Variants in CMSS1 observed in about 807,000 individuals in gnomAD.
The protein encoded by CMSS1 is cms1 ribosomal small subunit homolog.
CMSS1 carries 33 observed loss-of-function variants against 43.5 expected under a neutral mutation model. The observed-to-expected ratio is 0.76, with a 90% CI of 0.57 to 1.01. CMSS1 has a LOEUF of 1.01. CMSS1 is among the 50% of genes least tolerant of loss of function. CMSS1 has a pLI of 0.00. For synonymous variants in CMSS1, 115 were observed against 117.2 expected (o/e 0.98, Z 0.12); for missense variants, 313 against 326.4 (o/e 0.96, Z 0.32).
At chr3:100,105,969 C>G (rs1407181485) in intron 1 of CMSS1, among the ~76,000 whole-genome samples, 1 of 152,166 alleles carries the variant, frequency 6.6e-6, no homozygotes. Flanking sequence ...CACATAGCTT[C>G]TCACCATCAG....
intron 1 of CMSS1, among the ~76,000 whole-genome samples, chr3:99,851,325 A>C (rs1943688634): frequency 6.6e-6 from 1 of 152,228 alleles, no homozygotes; most frequent in Non-Finnish European, 1.5e-5. Flanking sequence ...AAGGGCAAGA[A>C]TATTTAGTTT....
intron 1 of CMSS1, among the ~76,000 whole-genome samples, chr3:100,066,721 C>T (rs1304636412): frequency 1.0e-5 from 1 of 97,602 alleles, no homozygotes; most frequent in East Asian, 2.7e-4. Context: ...TTAGTAGAGA[C>T]GGGGTTTCAC....
chr3:99,963,103 G>C (rs1210493937), intron 1 of CMSS1, among the ~76,000 whole-genome samples: 4 of 152,224 alleles, frequency 2.6e-5, no homozygotes, highest in African/African-American at 7.2e-5. Context: ...GGTTTAGCCT[G>C]CCTACAGAGG....
chr3:100,128,955 A>G (rs2066684267), intron 1 of CMSS1, among the ~76,000 whole-genome samples: 14 of 152,198 alleles, frequency 9.2e-5, no homozygotes, highest in Admixed American at 8.5e-4. Context: ...ATCATAGAGT[A>G]AAATTGGCCT....
chr3:99,936,635 A>G (rs377766634), intron 1 of CMSS1, among the ~76,000 whole-genome samples: 1 of 147,864 alleles, frequency 6.8e-6, no homozygotes, highest in East Asian at 2.1e-4. Context: ...GCCTCCCAAA[A>G]TGCAGGGATT....
At chr3:100,042,825 C>T (rs955812010) in intron 1 of CMSS1, among the ~76,000 whole-genome samples, 2 of 152,116 alleles carry the variant, frequency 1.3e-5, no homozygotes, top group Non-Finnish European at 2.9e-5. Context: ...GTACTTCTTA[C>T]GGGAAGCTGG....
intron 1 of CMSS1, chr3:99,850,268 T>C: frequency 6.2e-7 from 1 of 1,613,978 alleles, no homozygotes; most frequent in Non-Finnish European, 8.5e-7. Flanking sequence ...TCTAGCTCTT[T>C]GATCCTTACT....
chr3:99,869,993 T>C (rs943919714), intron 1 of CMSS1, among the ~76,000 whole-genome samples: 2 of 152,152 alleles, frequency 1.3e-5, no homozygotes, highest in Admixed American at 1.3e-4. Context: ...TCCATTTACA[T>C]GTGGACTCTT....
intron 1 of CMSS1, among the ~76,000 whole-genome samples, chr3:100,055,326 A>G (rs367763412): frequency 6.6e-6 from 1 of 152,256 alleles, no homozygotes; most frequent in South Asian, 2.1e-4. Flanking sequence ...GTTATCCCCA[A>G]CATCACTGGC....
intron 1 of CMSS1, among the ~76,000 whole-genome samples, chr3:100,001,335 G>A (rs1327018180): frequency 6.6e-6 from 1 of 152,190 alleles, no homozygotes; most frequent in African/African-American, 2.4e-5. Context: ...GTGACGCAGT[G>A]TCAGAGGTGA....
Position 99,826,105 on chromosome 3 carries a change from C to A in CMSS1, c.64+8062C>A, listed in dbSNP as rs576635064. ...CACAAGTCTTTTATCTGTTGTTAAT[C>A]TGATGTTATTTAGTGGAACACTTCA... On this transcript the variant is annotated intron_variant, in intron 1 of 9. Transcript: ENST00000421999. Among the ~76,000 whole-genome samples the A allele has an allele frequency of 3.3e-5, 5 of 152,244 alleles. No homozygotes were observed. The South Asian group carries it at 1.0e-3, about 32-fold the overall frequency.
intron 1 of CMSS1, among the ~76,000 whole-genome samples, chr3:100,030,600 G>A (rs2065007095): frequency 6.6e-6 from 1 of 152,106 alleles, no homozygotes; most frequent in African/African-American, 2.4e-5. Flanking sequence ...AAAAAAGCAG[G>A]CTAAGACTCC....
At chr3:100,168,016 C>T (rs572452372) in intron 6 of CMSS1, among the ~76,000 whole-genome samples, 176 bp downstream of exon 6, 4 of 152,190 alleles carry the variant, frequency 2.6e-5, no homozygotes, top group South Asian at 2.1e-4. Context: ...TACATTATAA[C>T]GTCAAGTACA....
At chr3:100,149,889 A>C (rs929443613) in intron 2 of CMSS1, among the ~76,000 whole-genome samples, 1 of 152,094 alleles carries the variant, frequency 6.6e-6, no homozygotes, top group Non-Finnish European at 1.5e-5. Context: ...CCTCCCTGAC[A>C]CAGCTGCCTG....
chr3:100,052,075 T>C (rs1455108459), intron 1 of CMSS1, among the ~76,000 whole-genome samples: 1 of 152,092 alleles, frequency 6.6e-6, no homozygotes, highest in Non-Finnish European at 1.5e-5. Flanking sequence ...ATATGTGTTA[T>C]TTGTCACATG....
intron 1 of CMSS1, among the ~76,000 whole-genome samples, chr3:100,081,835 A>T (rs2065936554): frequency 6.6e-6 from 1 of 151,988 alleles, no homozygotes; most frequent in Non-Finnish European, 1.5e-5. Context: ...TGTCCTGTGC[A>T]TTGTAGGATG....
At chr3:99,991,036 A>G (rs1709495160) in intron 1 of CMSS1, among the ~76,000 whole-genome samples, 1 of 152,138 alleles carries the variant, frequency 6.6e-6, no homozygotes, top group Non-Finnish European at 1.5e-5. Context: ...GATGCCCATA[A>G]TCTGGTCCAT....
At chr3:100,032,196 G>A (rs1354413007) in intron 1 of CMSS1, among the ~76,000 whole-genome samples, 2 of 152,188 alleles carry the variant, frequency 1.3e-5, no homozygotes, top group Non-Finnish European at 1.5e-5. Flanking sequence ...TTATTTAAAT[G>A]TGGTAGAGGA....
intron 1 of CMSS1, among the ~76,000 whole-genome samples, chr3:99,818,303 T>A (rs1034212713): frequency 6.6e-6 from 1 of 152,196 alleles, no homozygotes; most frequent in Non-Finnish European, 1.5e-5. Flanking sequence ...TTCTTGAGAA[T>A]GGATAAGACA....
Sources: gnomAD v4.1 joint callset for allele counts (sites outside exome capture counted in the v4.1 genomes callset) on GRCh38, gnomAD v4.1.1 for gene constraint, MANE v1.5 for transcripts, NCBI Gene and HGNC (gene_info 2026-07-23, HGNC 2026-07-21) for gene names.